CSMD1: variants seen among roughly 807,000 people sequenced by gnomAD.
The protein encoded by CSMD1 is CUB and Sushi multiple domains 1.
In CSMD1, 213 loss-of-function variants were observed where a neutral mutation model predicts 417.5. The ratio of observed to expected loss-of-function variants is 0.51; its 90% CI spans 0.46 to 0.57. The LOEUF is 0.57. CSMD1 is among the 20% of genes least tolerant of loss of function. The pLI is 0.00. For missense variants in CSMD1, 6,923 were observed against 4,529.7 expected (o/e 1.53, Z -15.17); for synonymous variants, 2,862 against 1,736.8 (o/e 1.65, Z -16.11).
chr8:2,953,987 G>C (rs944413842), intron 65 of CSMD1, among the ~76,000 whole-genome samples: 5 of 152,204 alleles, frequency 3.3e-5, no homozygotes, highest in African/African-American at 1.2e-4. Context: ...AATGAAACAG[G>C]GTGTGATAAC....
intron 30 of CSMD1, among the ~76,000 whole-genome samples, chr8:3,211,709 C>A (rs533130354): frequency 6.6e-6 from 1 of 152,170 alleles, no homozygotes; most frequent in African/African-American, 2.4e-5. Context: ...GCAGGGCGCA[C>A]CTTTCAGTGC....
chr8:4,085,971 C>G (rs183887429), intron 3 of CSMD1, among the ~76,000 whole-genome samples: 2 of 152,114 alleles, frequency 1.3e-5, no homozygotes, highest in Admixed American at 1.3e-4. Flanking sequence ...TCTACAATTA[C>G]CTTGAAATAA....
intron 5 of CSMD1, among the ~76,000 whole-genome samples, chr8:3,940,380 G>A (rs1026821982): frequency 6.6e-6 from 1 of 151,866 alleles, no homozygotes; most frequent in African/African-American, 2.4e-5. Flanking sequence ...ATGTTATTTT[G>A]AAAATTATAT....
At chr8:3,247,196 T>G (rs1310600170) in intron 26 of CSMD1, among the ~76,000 whole-genome samples, 3 of 152,172 alleles carry the variant, frequency 2.0e-5, no homozygotes, top group African/African-American at 4.8e-5. Flanking sequence ...ACCATGTGAT[T>G]TGATATGTAA....
At chr8:3,064,931 G>T (rs569098123) in intron 49 of CSMD1, among the ~76,000 whole-genome samples, 36 of 152,220 alleles carry the variant, frequency 2.4e-4, no homozygotes, top group African/African-American at 8.2e-4. Context: ...CAATGTGGAA[G>T]GGAGAAAATT....
chr8:3,865,261 A>G (rs1291744494), intron 5 of CSMD1, among the ~76,000 whole-genome samples: 1 of 152,228 alleles, frequency 6.6e-6, no homozygotes, highest in East Asian at 1.9e-4. Context: ...AGGGACAGTA[A>G]GTTACTTCTG....
At chr8:3,449,465 A>G (rs899353870) in intron 12 of CSMD1, among the ~76,000 whole-genome samples, 1 of 151,772 alleles carries the variant, frequency 6.6e-6, no homozygotes, top group Non-Finnish European at 1.5e-5. Flanking sequence ...ATTTTTTCTT[A>G]TGCTATATTT....
At chr8:4,808,197 GCCAGCA>G (rs1244508611) in intron 1 of CSMD1, among the ~76,000 whole-genome samples, 1 of 152,188 alleles carries the variant, frequency 6.6e-6, no homozygotes, top group East Asian at 1.9e-4. Flanking sequence ...TGGTTTCATT[GCCAGCA>G]CCAGTCGGTC....
At chr8:4,922,718 T>C (rs1004488211) in intron 1 of CSMD1, among the ~76,000 whole-genome samples, 4 of 152,196 alleles carry the variant, frequency 2.6e-5, no homozygotes, top group Non-Finnish European at 4.4e-5. Context: ...GCCCATTATA[T>C]GCATTCTGTG....
chr8:3,704,387 G>A (rs1430448067), intron 7 of CSMD1, among the ~76,000 whole-genome samples: 1 of 152,178 alleles, frequency 6.6e-6, no homozygotes, highest in Non-Finnish European at 1.5e-5. Flanking sequence ...ACACAGGGAG[G>A]AGGGGGCCTT....
chr8:3,768,844 G>C (rs945562306), intron 5 of CSMD1, among the ~76,000 whole-genome samples: 2 of 152,172 alleles, frequency 1.3e-5, no homozygotes, highest in African/African-American at 2.4e-5. Context: ...TAGTCTAAAA[G>C]AAAAAATGCA....
intron 2 of CSMD1, among the ~76,000 whole-genome samples, chr8:4,503,969 C>CAAAAAAAAAAA (rs200846437): frequency 4.7e-5 from 4 of 85,778 alleles, no homozygotes; most frequent in Non-Finnish European, 7.3e-5. Flanking sequence ...CTTGCATATT[C>CAAAAAAAAAAA]AAAAAAAAAA....
chr8:4,064,353 T>C (rs559693944), intron 3 of CSMD1, among the ~76,000 whole-genome samples: 1 of 152,322 alleles, frequency 6.6e-6, no homozygotes, highest in African/African-American at 2.4e-5. Context: ...TTTCACAAAT[T>C]GTATCTCTGT....
intron 3 of CSMD1, among the ~76,000 whole-genome samples, chr8:4,063,091 G>C (rs968074000): frequency 1.3e-5 from 2 of 152,104 alleles, no homozygotes; most frequent in African/African-American, 4.8e-5. Context: ...TCTAATGTTT[G>C]ATAGCACTGT....
At chr8:4,571,505 G>C (rs949019029) in intron 2 of CSMD1, among the ~76,000 whole-genome samples, 2 of 152,158 alleles carry the variant, frequency 1.3e-5, no homozygotes, top group African/African-American at 4.8e-5. Context: ...TGGTCTGAGA[G>C]ACTGTTTGTT....
chr8:3,605,203 G>C (rs939544411), intron 8 of CSMD1, among the ~76,000 whole-genome samples: 1 of 152,256 alleles, frequency 6.6e-6, no homozygotes, highest in East Asian at 1.9e-4. Context: ...TTTTGACTAG[G>C]CTGGTCTCGA....
chr8:3,228,278 G>T (rs1798633623), intron 27 of CSMD1, among the ~76,000 whole-genome samples: 1 of 152,182 alleles, frequency 6.6e-6, no homozygotes, highest in African/African-American at 2.4e-5. Flanking sequence ...CTTTGAAACA[G>T]AATTTACATG....
In CSMD1 at chr8:2,958,676, C is replaced by T. The variant is rs757854219; in HGVS notation, c.9703-869G>A. Among the ~76,000 whole-genome samples, 10 of 152,206 alleles carry T rather than the reference C, an allele frequency of 6.6e-5. 1 individual carries two copies. Among genetic ancestry groups the T allele is most frequent in the Admixed American group, 2.6e-4 (4 of 15,286 alleles). On this transcript the variant is annotated intron_variant, in intron 62 of 69. Transcript: ENST00000635120. ...AGAGGAAAGCAGCCCCCAGGGAAGGCGGGTTTGCACTCATCCCAGCTTGGC... is the reference window on the plus strand; with the variant it reads ...AGAGGAAAGCAGCCCCCAGGGAAGGTGGGTTTGCACTCATCCCAGCTTGGC...
chr8:3,796,471 TATAG>T (rs1167318988), intron 5 of CSMD1, among the ~76,000 whole-genome samples: 10 of 139,804 alleles, frequency 7.2e-5, no homozygotes, highest in Admixed American at 6.7e-4. Context: ...CTATCATGTA[TATAG>T]ATATCTATCT....
Sources: allele counts gnomAD v4.1 joint callset (sites outside exome capture counted in the v4.1 genomes callset), GRCh38; gene constraint gnomAD v4.1.1; transcripts MANE v1.5; gene names NCBI Gene and HGNC (gene_info 2026-07-23, HGNC 2026-07-21).